The following TBC1D5 variants were observed in gnomAD, a reference collection of about 807,000 sequenced individuals.
The protein encoded by TBC1D5 is TBC1 domain family, member 5.
A neutral mutation model predicts 100.3 loss-of-function variants in TBC1D5; 75 were observed. The ratio of observed to expected loss-of-function variants is 0.75; its 90% CI spans 0.62 to 0.91. The LOEUF is 0.91. TBC1D5 is among the 40% of genes least tolerant of loss of function. TBC1D5 has a pLI of 0.00. For synonymous variants in TBC1D5, 323 were observed against 325.6 expected, an observed-to-expected ratio of 0.99 and a Z score of 0.09; for missense variants, 910 against 942.4, an observed-to-expected ratio of 0.97 and a Z score of 0.45.
In TBC1D5 at chr3:17,496,462, G is replaced by GCA. The variant is rs150694074; in HGVS notation, c.97+12010_97+12011dup. ...TATACATACATGCACACACACACAC[G>GCA]CACACACACACACACAAATGGGTCA... On this transcript the variant is annotated intron_variant, in intron 3 of 21. Transcript: ENST00000253692. 9.7e-3 allele frequency among the ~76,000 whole-genome samples: 1,433 copies of GCA among 147,348 alleles called. 54 individuals are homozygous for GCA. Among genetic ancestry groups the GCA allele is most frequent in the Admixed American group, 0.073 (1,094 of 14,910 alleles).
chr3:17,499,392 G>A (rs1237728431), intron 3 of TBC1D5, among the ~76,000 whole-genome samples: 1 of 134,746 alleles, frequency 7.4e-6, no homozygotes, highest in African/African-American at 3.4e-5. Flanking sequence ...TATGCGGGCT[G>A]AAAGCTGGGT....
intron 2 of TBC1D5, among the ~76,000 whole-genome samples, chr3:17,585,733 A>G (rs2096728556): frequency 6.6e-6 from 1 of 152,242 alleles, no homozygotes; most frequent in Admixed American, 6.5e-5. Context: ...GAAGCATTAA[A>G]TAAAATATAC....
intron 13 of TBC1D5, among the ~76,000 whole-genome samples, chr3:17,349,122 T>C (rs1468316008): frequency 6.6e-6 from 1 of 152,210 alleles, no homozygotes; most frequent in African/African-American, 2.4e-5. Context: ...CTTGCTTTCT[T>C]TGGGATTCTA....
At chr3:17,244,106 G>C (rs894556098) in intron 16 of TBC1D5, among the ~76,000 whole-genome samples, 1 of 152,188 alleles carries the variant, frequency 6.6e-6, no homozygotes, top group Non-Finnish European at 1.5e-5. Context: ...CAAAAGCTAT[G>C]ACATAGGAAA....
chr3:17,654,708 T>G (rs543204415), intron 1 of TBC1D5, among the ~76,000 whole-genome samples: 1 of 152,156 alleles, frequency 6.6e-6, no homozygotes, highest in African/African-American at 2.4e-5. Flanking sequence ...TCTTTTTCTA[T>G]TGATTGGAAT....
At chr3:17,612,823 A>T (rs954012011) in intron 2 of TBC1D5, among the ~76,000 whole-genome samples, 9 of 152,122 alleles carry the variant, frequency 5.9e-5, no homozygotes, top group Non-Finnish European at 1.0e-4. Context: ...CACGAAAAAA[A>T]AACAGTTACA....
At chr3:17,423,683 TC>T (rs2094271541) in intron 4 of TBC1D5, among the ~76,000 whole-genome samples, 2 of 149,068 alleles carry the variant, frequency 1.3e-5, no homozygotes, top group African/African-American at 5.2e-5. Flanking sequence ...ATAAATAATG[TC>T]ATGTGAAATT....
At chr3:17,680,630 A>T (rs1254606043) in intron 1 of TBC1D5, among the ~76,000 whole-genome samples, 3 of 151,224 alleles carry the variant, frequency 2.0e-5, no homozygotes. Context: ...TCTTTTATAT[A>T]ATTTGTGTGA....
At chr3:17,270,872 G>A (rs763592810) in intron 15 of TBC1D5, among the ~76,000 whole-genome samples, 7 of 152,080 alleles carry the variant, frequency 4.6e-5, no homozygotes, top group Non-Finnish European at 1.0e-4. Flanking sequence ...TGAATAGAGA[G>A]TCTTTTCCCC....
At chr3:17,283,696 G>T (rs2149970565) in intron 15 of TBC1D5, among the ~76,000 whole-genome samples, 1 of 151,970 alleles carries the variant, frequency 6.6e-6, no homozygotes, top group Middle Eastern at 3.4e-3. Context: ...TCATTGCCAA[G>T]AATCACCGAG....
chr3:17,689,498 G>A (rs1359577935), intron 1 of TBC1D5, among the ~76,000 whole-genome samples: 6 of 135,126 alleles, frequency 4.4e-5, no homozygotes, highest in Non-Finnish European at 6.1e-5. Flanking sequence ...CTGCCTGGGC[G>A]ACAGAGTGAG....
intron 1 of TBC1D5, among the ~76,000 whole-genome samples, chr3:17,666,505 T>C (rs2067267005): frequency 6.6e-6 from 1 of 152,174 alleles, no homozygotes; most frequent in Non-Finnish European, 1.5e-5. Context: ...ACTCAAATAA[T>C]TCATTAATTT....
intron 17 of TBC1D5, among the ~76,000 whole-genome samples, chr3:17,225,842 T>TCAACAA (rs956108380): frequency 6.6e-6 from 1 of 152,014 alleles, no homozygotes; most frequent in African/African-American, 2.4e-5. Context: ...GGACCCTGTC[T>TCAACAA]CAACAACAAC....
intron 2 of TBC1D5, among the ~76,000 whole-genome samples, chr3:17,591,695 T>C (rs2060238091): frequency 6.6e-6 from 1 of 152,214 alleles, no homozygotes; most frequent in African/African-American, 2.4e-5. Context: ...ATAATTGGCA[T>C]AGGTAAACTT....
At chr3:17,337,033 G>A (rs1012362743) in intron 13 of TBC1D5, among the ~76,000 whole-genome samples, 1 of 150,864 alleles carries the variant, frequency 6.6e-6, no homozygotes, top group African/African-American at 2.4e-5. Flanking sequence ...CTATGTATAT[G>A]TCCCCAGCAT....
chr3:17,199,444 T>G (rs2071170530), intron 18 of TBC1D5, among the ~76,000 whole-genome samples: 1 of 152,252 alleles, frequency 6.6e-6, no homozygotes, highest in South Asian at 2.1e-4. Flanking sequence ...AAAAACATTA[T>G]TCTTGATATT....
At chr3:17,564,076 C>A (rs2096578699) in intron 2 of TBC1D5, among the ~76,000 whole-genome samples, 1 of 152,204 alleles carries the variant, frequency 6.6e-6, no homozygotes, top group Non-Finnish European at 1.5e-5. Flanking sequence ...GCCACCGTGC[C>A]CGGCCTTACA....
In TBC1D5 at chr3:17,714,492, G is replaced by A. The variant is rs1424912209; in HGVS notation, c.-101+24851C>T. On this transcript the variant is annotated intron_variant, in intron 1 of 21. Coordinates refer to ENST00000253692, the Ensembl canonical transcript of TBC1D5. The stretch of plus-strand genomic sequence containing the variant: ...TAACTATTGAAGGAGTACTCCCAAA[G>A]AGAGCCAATCCACGAAGACTGGGAG... Among the ~76,000 whole-genome samples the A allele has an allele frequency of 4.6e-5, 7 of 152,338 alleles. No individual in the cohort carries two copies. The East Asian group carries it at 1.3e-3, about 29-fold the overall frequency.
intron 3 of TBC1D5, among the ~76,000 whole-genome samples, chr3:17,464,413 T>C (rs2095268217): frequency 6.6e-6 from 1 of 152,246 alleles, no homozygotes; most frequent in South Asian, 2.1e-4. Context: ...AAGAGAGATC[T>C]GATTTCCTAT....
Sources: gnomAD v4.1 joint callset for allele counts (sites outside exome capture counted in the v4.1 genomes callset) on GRCh38, gnomAD v4.1.1 for gene constraint, MANE v1.5 for transcripts, NCBI Gene and HGNC (gene_info 2026-07-23, HGNC 2026-07-21) for gene names.